Variants in TTBK2 observed in about 807,000 individuals in gnomAD.
TTBK2 encodes the protein tau tubulin kinase 2, also known as tau-tubulin kinase 2.
A neutral mutation model predicts 110.8 loss-of-function variants in TTBK2; 28 were observed. That is an observed-to-expected ratio of 0.25 (90% CI 0.19 to 0.35). The LOEUF (loss-of-function observed/expected upper bound fraction) is 0.35. TTBK2 is among the 10% of genes least tolerant of loss of function. TTBK2 has a pLI of 1.00. For synonymous variants in TTBK2, 532 were observed against 527.3 expected (o/e 1.01, Z -0.12); for missense variants, 1,369 against 1,500.3 (o/e 0.91, Z 1.45).
intron 13 of TTBK2, among the ~76,000 whole-genome samples, chr15:42,768,390 A>G (rs1359875360): frequency 6.6e-6 from 1 of 152,248 alleles, no homozygotes; most frequent in Non-Finnish European, 1.5e-5. Flanking sequence ...AAATCTTCTT[A>G]AGCTGATAAG....
At chr15:42,840,595 TCTC>T (rs766597118) in intron 3 of TTBK2, 162 bp from the exon 4 acceptor site, 6 of 735,998 alleles carry the variant, frequency 8.2e-6, no homozygotes, top group East Asian at 2.6e-5. Context: ...ACCTACCTCT[TCTC>T]CTCCCAGGCA....
chr15:42,812,216 G>A (rs1348680790), intron 7 of TTBK2, among the ~76,000 whole-genome samples: 1 of 152,180 alleles, frequency 6.6e-6, no homozygotes, highest in Non-Finnish European at 1.5e-5. Flanking sequence ...CATAGGACAT[G>A]AGTTGTAACT....
chr15:42,777,167 G>A lies in TTBK2; in HGVS notation c.1273C>T (p.Arg425Cys), dbSNP rs1254124594. Reference sequence around the variant, plus strand: ...GGCTGAGTAATCTCTGAGCGGACACGAATTGGTGACCCAAGGCTTGGAGCA... The same window carrying A: ...GGCTGAGTAATCTCTGAGCGGACACAAATTGGTGACCCAAGGCTTGGAGCA... ...LNAPSLGSPIRVRSEITQPDR... is the reference protein window; with the variant it reads ...LNAPSLGSPICVRSEITQPDR... The change falls in exon 12 of 15, where the codon CGT (arginine) becomes TGT (cysteine). Residue 425 changes from arginine to cysteine, a missense_variant. Coordinates refer to ENST00000267890, the MANE Select transcript of TTBK2 (RefSeq NM_173500.4). The A allele has an allele frequency of 5.0e-6, 8 of 1,614,170 alleles. No individual in the cohort carries two copies. Among genetic ancestry groups the A allele is most frequent in the South Asian group, 2.2e-5 (2 of 91,080 alleles).
intron 7 of TTBK2, among the ~76,000 whole-genome samples, chr15:42,815,751 G>C (rs558438255): frequency 6.7e-6 from 1 of 149,942 alleles, no homozygotes; most frequent in Admixed American, 6.7e-5. Flanking sequence ...ACATATTACA[G>C]ATAAAATGAT....
At chr15:42,846,005 T>C (rs1358459851) in intron 3 of TTBK2, among the ~76,000 whole-genome samples, 1 of 152,118 alleles carries the variant, frequency 6.6e-6, no homozygotes, top group African/African-American at 2.4e-5. Flanking sequence ...CGTCTGTCAC[T>C]GAACAAAATG....
chr15:42,767,396 A>G (rs2140706844), intron 13 of TTBK2, among the ~76,000 whole-genome samples: 1 of 152,326 alleles, frequency 6.6e-6, no homozygotes, highest in East Asian at 1.9e-4. Context: ...AAGAGAGAAG[A>G]ATCAAATAGA....
intron 9 of TTBK2, among the ~76,000 whole-genome samples, chr15:42,807,403 C>CTATTAT (rs533415613): frequency 0.011 from 1,728 of 151,036 alleles, 30 homozygotes; most frequent in African/African-American, 0.039. Flanking sequence ...TCACGTGATC[C>CTATTAT]TATTATTATT....
At chr15:42,830,525 T>C (rs1453341800) in intron 4 of TTBK2, among the ~76,000 whole-genome samples, 3 of 152,062 alleles carry the variant, frequency 2.0e-5, no homozygotes, top group Non-Finnish European at 4.4e-5. Flanking sequence ...ATCCTCTCAC[T>C]CAACAGATCT....
intron 1 of TTBK2, among the ~76,000 whole-genome samples, chr15:42,899,343 C>G (rs1263196227): frequency 6.6e-6 from 1 of 151,832 alleles, no homozygotes; most frequent in Non-Finnish European, 1.5e-5. Flanking sequence ...CACCTGTAAT[C>G]CCAGGACTTT....
chr15:42,742,876 AAAAT>A lies in TTBK2; in HGVS notation c.*2915_*2918del. 1 of 152,306 alleles carries A rather than the reference AAAAT, an allele frequency of 6.6e-6. No individual in the cohort carries two copies. The highest frequency in any genetic ancestry group is 2.4e-5 in the African/African-American group (1 of 41,578). The allele number at this position is 152,306 out of a possible 1,614,324, so 9.4% of individuals were successfully genotyped here. ...CATCACTAAGAGAACCCCCAAATAA[AAAAT>A]AAAGAACTAAAAAACACAACCAAAC... On this transcript the variant is annotated 3_prime_UTR_variant, in exon 15 of 15. Transcript: ENST00000267890.
At chr15:42,862,202 T>C (rs1183171125) in intron 3 of TTBK2, among the ~76,000 whole-genome samples, 1 of 151,008 alleles carries the variant, frequency 6.6e-6, no homozygotes, top group Non-Finnish European at 1.5e-5. Flanking sequence ...AAAAAAAAAA[T>C]GAGGATGAGT....
Position 42,828,143 on chromosome 15 carries a change from G to A in TTBK2, c.433-111C>T, listed in dbSNP as rs1892607682. 1.5e-5 allele frequency: 12 copies of A among 798,434 alleles called. No homozygotes were observed. In the South Asian group the frequency reaches 2.0e-4, roughly 13 times the overall value. 49.5% of individuals were successfully genotyped at this position (798,434 alleles called of 1,614,324 possible). On this transcript the variant is annotated intron_variant, in intron 5 of 14. Coordinates refer to ENST00000267890, the MANE Select transcript of TTBK2 (RefSeq NM_173500.4). ...TATTTAAGCTCTATATAACACACAT[G>A]TTCCAAATATACTATTCTAGTAAAT...
At chr15:42,872,942 A>G (rs1894671687) in intron 2 of TTBK2, among the ~76,000 whole-genome samples, 184 bp from the exon 3 acceptor site, 1 of 152,170 alleles carries the variant, frequency 6.6e-6, no homozygotes, top group Non-Finnish European at 1.5e-5. Flanking sequence ...ATAACATCAA[A>G]ACCTTTCCCC....
At chr15:42,780,578 GA>G (rs1317089580) in intron 11 of TTBK2, among the ~76,000 whole-genome samples, 1 of 151,836 alleles carries the variant, frequency 6.6e-6, no homozygotes, top group East Asian at 1.9e-4. Flanking sequence ...GAAAACAGAA[GA>G]TGAAAAATAC....
At chr15:42,746,891 G>T (rs1275177724) in intron 14 of TTBK2, among the ~76,000 whole-genome samples, 1 of 151,822 alleles carries the variant, frequency 6.6e-6, no homozygotes, top group Non-Finnish European at 1.5e-5. Context: ...CCTGTCAATA[G>T]TCTGGGATTA....
intron 3 of TTBK2, among the ~76,000 whole-genome samples, chr15:42,852,808 A>G (rs1893773229): frequency 6.6e-6 from 1 of 152,264 alleles, no homozygotes; most frequent in African/African-American, 2.4e-5. Flanking sequence ...AACAATGAAC[A>G]TCAACAAGGA....
intron 13 of TTBK2, among the ~76,000 whole-genome samples, chr15:42,774,875 T>C (rs1202329449): frequency 2.6e-5 from 4 of 152,224 alleles, no homozygotes; most frequent in Non-Finnish European, 5.9e-5. Flanking sequence ...CTAGCGCTTG[T>C]AGTCTAATTA....
chr15:42,894,261 C>G (rs1158643964), intron 1 of TTBK2, among the ~76,000 whole-genome samples: 1 of 152,114 alleles, frequency 6.6e-6, no homozygotes, highest in South Asian at 2.1e-4. Flanking sequence ...TTTTTCTTTA[C>G]AAATTACCCA....
At chr15:42,776,833 A>G (rs1889945358) in intron 12 of TTBK2, 198 bp downstream of exon 12, 1 of 629,284 alleles carries the variant, frequency 1.6e-6, no homozygotes, top group Non-Finnish European at 2.7e-6. Flanking sequence ...TAGAATTTAT[A>G]ATAATTAAGA....
Sources: gnomAD v4.1 joint callset for allele counts (sites outside exome capture counted in the v4.1 genomes callset) on GRCh38, gnomAD v4.1.1 for gene constraint, MANE v1.5 for transcripts, NCBI Gene and HGNC (gene_info 2026-07-23, HGNC 2026-07-21) for gene names.